NRP1: variants seen among roughly 807,000 people sequenced by gnomAD.
The protein encoded by NRP1 is neuropilin 1.
A neutral mutation model predicts 106.7 loss-of-function variants in NRP1; 35 were observed. The observed-to-expected ratio is 0.33, with a 90% CI of 0.25 to 0.43. The LOEUF (loss-of-function observed/expected upper bound fraction) is 0.43. Among genes scored for constraint, NRP1 ranks in the 20% least tolerant of loss-of-function variants. The probability of loss-of-function intolerance (pLI) is 1.00; values close to 1 mark genes in which losing one functional copy is unlikely to be tolerated. For missense variants in NRP1, 1,024 were observed against 1,170.4 expected, an observed-to-expected ratio of 0.87 and a Z score of 1.83; for synonymous variants, 437 against 417.9, an observed-to-expected ratio of 1.05 and a Z score of -0.56.
intron 2 of NRP1, among the ~76,000 whole-genome samples, chr10:33,280,159 G>C (rs967395193): frequency 2.0e-5 from 3 of 152,180 alleles, no homozygotes; most frequent in African/African-American, 7.2e-5. Flanking sequence ...TAAATTTCTT[G>C]TTTCTGAGGA....
At chr10:33,264,609 G>A (rs993598918) in intron 3 of NRP1, among the ~76,000 whole-genome samples, 1 of 152,198 alleles carries the variant, frequency 6.6e-6, no homozygotes, top group Non-Finnish European at 1.5e-5. Flanking sequence ...ATGTGTGTGT[G>A]TGTGTAATGC....
At chr10:33,216,140 C>CTTT (rs71521489) in intron 8 of NRP1, among the ~76,000 whole-genome samples, 18 of 139,038 alleles carry the variant, frequency 1.3e-4, no homozygotes, top group Admixed American at 3.7e-4. Flanking sequence ...TTCTTTCTTT[C>CTTT]TTTTTTTTTT....
At chr10:33,303,041 T>C (rs1021295658) in intron 2 of NRP1, among the ~76,000 whole-genome samples, 4 of 152,180 alleles carry the variant, frequency 2.6e-5, no homozygotes, top group Non-Finnish European at 5.9e-5. Context: ...GTGATTTCAT[T>C]ATGAGCTAAC....
rs1174454444 is a variant in NRP1 at position 33,330,674 on chromosome 10, C to A, written c.248+34G>T. The A allele has an allele frequency of 4.4e-6, 7 of 1,574,838 alleles. No homozygotes were observed. In the South Asian group the frequency reaches 5.8e-5, roughly 13 times the overall value. ...AGACAGGCGTGACCACTAGATGGTG[C>A]TGTGGTGCCCTGTTCAAAAACATTC... On this transcript the variant is annotated intron_variant, in intron 2 of 16. Transcript: ENST00000374867.
chr10:33,214,207 G>A (rs191490968), intron 8 of NRP1, among the ~76,000 whole-genome samples: 121 of 152,240 alleles, frequency 7.9e-4, no homozygotes, highest in Non-Finnish European at 1.4e-3. Context: ...CCCAGGGGAG[G>A]TGGCATTTGA....
At chr10:33,223,202 A>AAGG (rs376647976) in intron 7 of NRP1, among the ~76,000 whole-genome samples, 78 of 152,256 alleles carry the variant, frequency 5.1e-4, no homozygotes, top group African/African-American at 1.9e-3. Context: ...TGAGGACATG[A>AAGG]AGGTCTATGG....
Position 33,254,214 on chromosome 10 carries a change from C to T in NRP1, c.815-20G>A. On this transcript the variant is annotated intron_variant, in intron 5 of 16. Coordinates refer to ENST00000374867, the MANE Select transcript of NRP1 (RefSeq NM_003873.7). ...TGAAATCTGAAGGGAAAAACAGGGC[C>T]CACAGTCATCAAAATATAGGGGATT... 1 of 1,586,766 alleles carries T rather than the reference C, an allele frequency of 6.3e-7. No individual in the cohort carries two copies. Among genetic ancestry groups the T allele is most frequent in the Non-Finnish European group, 8.5e-7 (1 of 1,170,676 alleles).
Position 33,247,394 on chromosome 10 carries a change from C to T in NRP1, c.981+6634G>A, listed in dbSNP as rs529934697. On this transcript the variant is annotated intron_variant, in intron 6 of 16. Coordinates refer to ENST00000374867, the MANE Select transcript of NRP1 (RefSeq NM_003873.7). The stretch of plus-strand genomic sequence containing the variant: ...CATGTCCATTCTCTGCAAGTTGTAA[C>T]AGGCAATTCAAATTTTGAATCATGA... Among the ~76,000 whole-genome samples, 9 of 152,302 alleles carry T rather than the reference C, an allele frequency of 5.9e-5. No individual in the cohort carries two copies. The South Asian group carries it at 1.9e-3, about 32-fold the overall frequency.
intron 6 of NRP1, among the ~76,000 whole-genome samples, chr10:33,252,244 C>A (rs1841918737): frequency 6.6e-6 from 1 of 152,094 alleles, no homozygotes; most frequent in South Asian, 2.1e-4. Context: ...TCCCTTCCGG[C>A]TCCCCCAGCA....
chr10:33,323,196 C>A (rs538957594), intron 2 of NRP1, among the ~76,000 whole-genome samples: 14 of 151,676 alleles, frequency 9.2e-5, no homozygotes, highest in East Asian at 3.9e-4. Context: ...AGTGAGAAGC[C>A]CCCCCATCCT....
rs370164824 is a variant in NRP1, at chr10:33,313,933, GTTCC to G, written c.248+16771_248+16774del. On this transcript the variant is annotated intron_variant, in intron 2 of 16. Transcript: ENST00000374867. ...AAACGTTTATTAGTTTATTACGTAA[GTTCC>G]TTCCTTCCTTCCTTCCTTCCCTCCC... 4.1e-3 allele frequency among the ~76,000 whole-genome samples: 623 copies of G among 151,878 alleles called. 2 individuals carry two copies. Among genetic ancestry groups the G allele is most frequent in the Middle Eastern group, 0.01 (3 of 292 alleles).
intron 2 of NRP1, among the ~76,000 whole-genome samples, chr10:33,304,707 A>G (rs1348367867): frequency 6.6e-6 from 1 of 151,360 alleles, no homozygotes; most frequent in East Asian, 1.9e-4. Context: ...TCAACAGTCG[A>G]CTCCTCCCCA....
chr10:33,266,503 TC>T (rs5784327), intron 3 of NRP1, among the ~76,000 whole-genome samples: 79,239 of 151,996 alleles, frequency 0.52, 21,485 homozygotes, highest in African/African-American at 0.67. Context: ...TCATATTTTG[TC>T]CACTATACAC....
At chr10:33,301,851 G>A (rs1483916134) in intron 2 of NRP1, among the ~76,000 whole-genome samples, 1 of 152,148 alleles carries the variant, frequency 6.6e-6, no homozygotes, top group African/African-American at 2.4e-5. Flanking sequence ...TGGGGAATAA[G>A]TGTAGAAAGA....
chr10:33,186,199 C>A lies in NRP1; in HGVS notation c.2334+18G>T. ...TCCTGCAGCCACTGCCCTCCCCAGCCTTGGGAAGAGGTCATACCTGATAAA... is the reference window on the plus strand; with the variant it reads ...TCCTGCAGCCACTGCCCTCCCCAGCATTGGGAAGAGGTCATACCTGATAAA... On this transcript the variant is annotated intron_variant, in intron 14 of 16. Coordinates refer to ENST00000374867, the MANE Select transcript of NRP1 (RefSeq NM_003873.7). The A allele has an allele frequency of 6.4e-7, 1 of 1,567,224 alleles. No individual in the cohort carries two copies. The highest frequency in any genetic ancestry group is 1.3e-5 in the African/African-American group (1 of 74,118).
chr10:33,214,367 T>C (rs1838581674), intron 8 of NRP1, among the ~76,000 whole-genome samples: 2 of 152,230 alleles, frequency 1.3e-5, no homozygotes, highest in Admixed American at 6.5e-5. Context: ...CCCTGGATAC[T>C]GCATCTTTTC....
chr10:33,252,447 C>T (rs567918592), intron 6 of NRP1, among the ~76,000 whole-genome samples: 1 of 152,248 alleles, frequency 6.6e-6, no homozygotes, highest in East Asian at 1.9e-4. Context: ...ACTGGGGCTG[C>T]GGCTGTAAAC....
intron 13 of NRP1, among the ~76,000 whole-genome samples, chr10:33,188,149 C>A (rs919254484): frequency 1.3e-5 from 2 of 152,070 alleles, no homozygotes; most frequent in Non-Finnish European, 2.9e-5. Context: ...GAATCCACCA[C>A]GATGGGAAAA....
chr10:33,250,295 A>C (rs1198258943), intron 6 of NRP1, among the ~76,000 whole-genome samples: 1 of 152,196 alleles, frequency 6.6e-6, no homozygotes, highest in Non-Finnish European at 1.5e-5. Flanking sequence ...AAACACATGA[A>C]ATTATTCATA....
Sources: gnomAD v4.1 joint callset for allele counts (sites outside exome capture counted in the v4.1 genomes callset) on GRCh38, gnomAD v4.1.1 for gene constraint, MANE v1.5 for transcripts, NCBI Gene and HGNC (gene_info 2026-07-23, HGNC 2026-07-21) for gene names.